The following RPTOR variants were observed in gnomAD, a reference collection of about 807,000 sequenced individuals.
RPTOR encodes the protein regulatory-associated protein of mTOR.
RPTOR carries 21 observed loss-of-function variants against 169.9 expected under a neutral mutation model. The ratio of observed to expected loss-of-function variants is 0.12; its 90% CI spans 0.09 to 0.18. The LOEUF (loss-of-function observed/expected upper bound fraction) is 0.18, where lower values mean the gene tolerates loss of function less well. Among genes scored for constraint, RPTOR ranks in the 10% least tolerant of loss-of-function variants. RPTOR has a pLI of 1.00. For missense variants in RPTOR, 1,133 were observed against 1,855.9 expected, an observed-to-expected ratio of 0.61 and a Z score of 7.16; for synonymous variants, 732 against 753.2, an observed-to-expected ratio of 0.97 and a Z score of 0.46.
chr17:80,574,534 A>T (rs2064942637), intron 1 of RPTOR, among the ~76,000 whole-genome samples: 1 of 151,860 alleles, frequency 6.6e-6, no homozygotes. Flanking sequence ...TATTTCATCT[A>T]GGTTTCAAAT....
intron 4 of RPTOR, among the ~76,000 whole-genome samples, chr17:80,717,486 T>C (rs2080100181): frequency 6.6e-6 from 1 of 152,182 alleles, no homozygotes; most frequent in African/African-American, 2.4e-5. Flanking sequence ...ATTCCATTAG[T>C]TTATCCTTTC....
At chr17:80,851,869 A>G (rs1184151408) in intron 11 of RPTOR, among the ~76,000 whole-genome samples, 4 of 152,196 alleles carry the variant, frequency 2.6e-5, no homozygotes, top group South Asian at 2.1e-4. Context: ...TTCTGCAACT[A>G]TTTACCTTAG....
chr17:80,929,610 G>T (rs923190251), intron 24 of RPTOR, among the ~76,000 whole-genome samples: 1 of 152,200 alleles, frequency 6.6e-6, no homozygotes, highest in African/African-American at 2.4e-5. Flanking sequence ...ATCTTGTTTT[G>T]CCCTGAGAGC....
At chr17:80,742,791 C>A (rs1199688398) in intron 5 of RPTOR, among the ~76,000 whole-genome samples, 1 of 152,082 alleles carries the variant, frequency 6.6e-6, no homozygotes, top group African/African-American at 2.4e-5. Context: ...TGCATACACA[C>A]ATGCACACGC....
rs149514051 is a variant in RPTOR, at chr17:80,782,978, T to C, written c.831-8472T>C. ...AGGGCAAGGCACACCCCAGAGCTAC[T>C]GGGGGAGGTGGAAGCTTGCTGTGTG... On this transcript the variant is annotated intron_variant, in intron 6 of 33. Coordinates refer to ENST00000306801, the MANE Select transcript of RPTOR (RefSeq NM_020761.3). Among the ~76,000 whole-genome samples the C allele has an allele frequency of 5.3e-3, 813 of 152,290 alleles. 6 individuals are homozygous for C. Among genetic ancestry groups the C allele is most frequent in the African/African-American group, 0.018 (751 of 41,552 alleles).
At chr17:80,638,855 T>C (rs2065529798) in intron 2 of RPTOR, among the ~76,000 whole-genome samples, 1 of 152,214 alleles carries the variant, frequency 6.6e-6, no homozygotes, top group African/African-American at 2.4e-5. Context: ...AGGAACGTAA[T>C]TTTGTAGCTA....
chr17:80,897,347 A>AT (rs1005885758), intron 20 of RPTOR, among the ~76,000 whole-genome samples: 1 of 152,052 alleles, frequency 6.6e-6, no homozygotes, highest in African/African-American at 2.4e-5. Context: ...TTTGCTGTAG[A>AT]TTTTTTGAGT....
intron 1 of RPTOR, among the ~76,000 whole-genome samples, chr17:80,570,706 C>G (rs997911106): frequency 3.3e-5 from 5 of 152,134 alleles, no homozygotes; most frequent in African/African-American, 7.2e-5. Context: ...AGTGATCTGC[C>G]TGCCTCGGCC....
At chr17:80,872,571 G>A (rs917660293) in intron 13 of RPTOR, among the ~76,000 whole-genome samples, 5 of 152,176 alleles carry the variant, frequency 3.3e-5, no homozygotes, top group African/African-American at 7.2e-5. Context: ...GTCTGTCGGT[G>A]CCCCCTGGGA....
intron 2 of RPTOR, among the ~76,000 whole-genome samples, chr17:80,638,591 C>G (rs916342917): frequency 2.0e-5 from 3 of 151,762 alleles, no homozygotes; most frequent in Non-Finnish European, 4.4e-5. Flanking sequence ...ATTGTAGAGA[C>G]GGGGTCTCAT....
intron 24 of RPTOR, among the ~76,000 whole-genome samples, chr17:80,934,208 C>T (rs892981895): frequency 1.3e-5 from 2 of 151,286 alleles, no homozygotes; most frequent in African/African-American, 2.4e-5. Flanking sequence ...TGGGGTTCAG[C>T]GGTGCAATAC....
chr17:80,847,652 A>G (rs532159130), intron 11 of RPTOR, among the ~76,000 whole-genome samples: 1 of 152,310 alleles, frequency 6.6e-6, no homozygotes, highest in African/African-American at 2.4e-5. Context: ...CCCCCCACAC[A>G]CAGGAAGAGC....
At chr17:80,655,383 T>C (rs547291466) in intron 3 of RPTOR, among the ~76,000 whole-genome samples, 2 of 151,514 alleles carry the variant, frequency 1.3e-5, no homozygotes, top group African/African-American at 4.9e-5. Context: ...ATATTTTTTG[T>C]TTTTTTTAAA....
chr17:80,630,478 G>A (rs78905718), intron 2 of RPTOR, among the ~76,000 whole-genome samples: 17,036 of 152,228 alleles, frequency 0.11, 1,096 homozygotes, highest in African/African-American at 0.16. Flanking sequence ...ATGTATGTAT[G>A]TATGCATGCA....
At position 80,965,732 on chromosome 17, in the gene RPTOR, C is replaced by G. The variant is rs539838663; in HGVS notation, c.*1402C>G. On this transcript the variant is annotated 3_prime_UTR_variant, in exon 34 of 34. Coordinates refer to ENST00000306801, the MANE Select transcript of RPTOR (RefSeq NM_020761.3). ...GGAACCCTGCCTGGTCACATTTGGC[C>G]AGAGACACACCTGGCCCTCAGGGGG... 8.6e-5 allele frequency: 20 copies of G among 233,328 alleles called. No homozygotes were observed. The South Asian group carries it at 3.6e-3, about 42-fold the overall frequency. The allele number at this position is 233,328 out of a possible 1,614,324, so 14.5% of individuals were successfully genotyped here. A position where few individuals can be genotyped will look rare whatever the true frequency, so the allele number is the denominator to read the frequency against.
At chr17:80,828,591 G>A (rs1191076066) in intron 9 of RPTOR, among the ~76,000 whole-genome samples, 1 of 152,174 alleles carries the variant, frequency 6.6e-6, no homozygotes, top group African/African-American at 2.4e-5. Flanking sequence ...TGCTGGCCCC[G>A]GTGGCCACCC....
At chr17:80,711,343 C>T (rs2066188318) in intron 4 of RPTOR, among the ~76,000 whole-genome samples, 2 of 151,328 alleles carry the variant, frequency 1.3e-5, no homozygotes, top group Admixed American at 1.3e-4. Context: ...TACCTTTATA[C>T]TGTTCCCCTG....
intron 7 of RPTOR, among the ~76,000 whole-genome samples, chr17:80,805,932 C>G (rs965654369): frequency 1.3e-5 from 2 of 152,170 alleles, no homozygotes; most frequent in African/African-American, 4.8e-5. Flanking sequence ...GGGAAACTTC[C>G]TCCCGAGTTC....
intron 1 of RPTOR, among the ~76,000 whole-genome samples, chr17:80,557,808 C>T (rs2084429674): frequency 6.6e-6 from 1 of 151,870 alleles, no homozygotes; most frequent in African/African-American, 2.4e-5. Flanking sequence ...TGCCTGTAAT[C>T]CCAGCTACTC....
Sources: allele counts gnomAD v4.1 joint callset (sites outside exome capture counted in the v4.1 genomes callset), GRCh38; gene constraint gnomAD v4.1.1; transcripts MANE v1.5; gene names NCBI Gene and HGNC (gene_info 2026-07-23, HGNC 2026-07-21).